The following DDX17 variants were observed in gnomAD, a reference collection of about 807,000 sequenced individuals.
DDX17 encodes the protein probable ATP-dependent RNA helicase DDX17.
DDX17 carries 10 observed loss-of-function variants against 80.8 expected under a neutral mutation model. The observed-to-expected ratio is 0.12, with a 90% CI of 0.08 to 0.21. DDX17 has a LOEUF of 0.21. Among genes scored for constraint, DDX17 ranks in the 10% least tolerant of loss-of-function variants. DDX17 has a pLI of 1.00. For missense variants in DDX17, 586 were observed against 957.4 expected, an observed-to-expected ratio of 0.61 and a Z score of 5.12; for synonymous variants, 339 against 336.2, an observed-to-expected ratio of 1.01 and a Z score of -0.09.
intron 10 of DDX17, chr22:38,493,477 A>G: frequency 2.1e-6 from 1 of 472,618 alleles, no homozygotes; most frequent in Non-Finnish European, 3.8e-6. Context: ...ATGAGCCACC[A>G]ACGGTGCCCA....
chr22:38,484,888 T>G lies in DDX17; in HGVS notation c.*1047A>C, dbSNP rs1408115205. The stretch of plus-strand genomic sequence containing the variant: ...AAATAAAGAGTTCTTAATAAACCCT[T>G]AAGATTCTTTGTTCAAGGTAACTTT... On this transcript the variant is annotated 3_prime_UTR_variant, in exon 13 of 13. Coordinates refer to ENST00000403230, the MANE Select transcript of DDX17 (RefSeq NM_006386.5). The G allele has an allele frequency of 2.6e-5, 4 of 152,238 alleles. No homozygotes were observed. The highest frequency in any genetic ancestry group is 6.5e-5 in the Admixed American group (1 of 15,284). 9.4% of individuals were successfully genotyped at this position (152,238 alleles called of 1,614,324 possible).
At chr22:38,490,449 A>G in intron 11 of DDX17, 1 of 1,289,216 alleles carries the variant, frequency 7.8e-7, no homozygotes, top group Middle Eastern at 2.1e-4. Flanking sequence ...GTTAAAAAAC[A>G]AAACAAAATA....
chr22:38,502,132 C>CG (rs371617915), intron 1 of DDX17, among the ~76,000 whole-genome samples: 5 of 152,164 alleles, frequency 3.3e-5, no homozygotes, highest in Admixed American at 2.6e-4. Flanking sequence ...CTGAGCCTGC[C>CG]GGGGGCAGTG....
chr22:38,486,032 G>A lies in DDX17; in HGVS notation c.2093C>T (p.Ala698Val), dbSNP rs532693581. ...CATATTGGTAGCTCCCGGAGGCTGT[G>A]CAAACTGTTGTGACATCAGTGGCTG... Residue 698 changes from alanine (A) to valine (V), a missense_variant, in exon 13 of 13, where the codon GCA becomes GTA. By Grantham distance (64) the Ala-to-Val change is moderately conservative (BLOSUM62 0). Around this residue, in one of 4 missense-constraint regions of DDX17, gnomAD observed 221 missense variants for 261.4 expected, o/e 0.85. Transcript: ENST00000403230. 2.5e-5 allele frequency: 41 copies of A among 1,614,084 alleles called. No homozygotes were observed. Among genetic ancestry groups the A allele is most frequent in the East Asian group, 6.7e-5 (3 of 44,870 alleles).
intron 5 of DDX17, among the ~76,000 whole-genome samples, 162 bp downstream of exon 5, chr22:38,497,923 T>A (rs2089787111): frequency 1.3e-5 from 2 of 152,242 alleles, no homozygotes; most frequent in South Asian, 4.1e-4. Context: ...TGCTGAGTGA[T>A]CTTGGGTAAG....
rs2089643717 is a variant in DDX17 at position 38,485,303 on chromosome 22, G to C, written c.*632C>G. On this transcript the variant is annotated 3_prime_UTR_variant, in exon 13 of 13. Transcript: ENST00000403230. ...TTATTTTTCAGTAACGGGGGGAGAAGTGGGGAGGCAGAGTGTGAAGGGAAA... is the reference window on the plus strand; with the variant it reads ...TTATTTTTCAGTAACGGGGGGAGAACTGGGGAGGCAGAGTGTGAAGGGAAA... The C allele has an allele frequency of 6.6e-6, 1 of 152,220 alleles. No homozygotes were observed. Among genetic ancestry groups the C allele is most frequent in the Non-Finnish European group, 1.5e-5 (1 of 68,044 alleles). The allele number at this position is 152,220 out of a possible 1,614,324, so 9.4% of individuals were successfully genotyped here. A position where few individuals can be genotyped will look rare whatever the true frequency, so the allele number is the denominator to read the frequency against.
At chr22:38,505,651 C>G (rs1024596424) in intron 1 of DDX17, 5 of 378,922 alleles carry the variant, frequency 1.3e-5, no homozygotes, top group African/African-American at 1.1e-4. Flanking sequence ...AAAGCCCGGG[C>G]CTGGGCTGAT....
rs1162255274 is a variant in DDX17, at chr22:38,495,857, C to T, written c.819G>A (p.Leu273=). 6.2e-7 allele frequency: 1 copy of T among 1,612,288 alleles called. No individual in the cohort carries two copies. Among genetic ancestry groups the T allele is most frequent in the South Asian group, 1.1e-5 (1 of 90,658 alleles). ...CACCTCCATAAATACAAGTACTCTT[C>T]AATCTAGAACATTTGCCATAGTCAT... The change falls in exon 6 of 13, where the codon TTG becomes TTA. Residue 273 remains leucine, a synonymous_variant. Coordinates refer to ENST00000403230, the MANE Select transcript of DDX17 (RefSeq NM_006386.5).
chr22:38,493,836 G>C, intron 9 of DDX17, 65 bp from the exon 10 acceptor site: 1 of 1,510,238 alleles, frequency 6.6e-7, no homozygotes, highest in East Asian at 2.3e-5. Context: ...GAACTTTAAA[G>C]CCAAATGCTA....
chr22:38,498,617 C>G (rs1367069317), intron 3 of DDX17, 44 bp from the exon 4 acceptor site: 2 of 1,603,448 alleles, frequency 1.2e-6, no homozygotes, highest in East Asian at 2.2e-5. Context: ...TGTTTAAAGA[C>G]ACAAACCAAG....
intron 10 of DDX17, among the ~76,000 whole-genome samples, chr22:38,492,737 C>G (rs1003860505): frequency 2.6e-5 from 4 of 152,220 alleles, no homozygotes; most frequent in Admixed American, 1.3e-4. Flanking sequence ...CCGCCCACCT[C>G]AGCCTCCCAA....
chr22:38,501,362 G>A (rs1286863711), intron 1 of DDX17, 82 bp from the exon 2 acceptor site: 2 of 1,447,056 alleles, frequency 1.4e-6, no homozygotes, highest in Non-Finnish European at 1.8e-6. Flanking sequence ...CAAAAAGGAT[G>A]GAGTTCTAGG....
chr22:38,493,964 T>TA, intron 9 of DDX17, 57 bp downstream of exon 9: 1 of 1,431,732 alleles, frequency 7.0e-7, no homozygotes, highest in Non-Finnish European at 9.7e-7. Flanking sequence ...AATACCAATT[T>TA]AGAAATTTCC....
chr22:38,486,898 C>T (rs201361908), intron 12 of DDX17, among the ~76,000 whole-genome samples: 2 of 151,940 alleles, frequency 1.3e-5, no homozygotes, highest in East Asian at 3.9e-4. Context: ...TGACCGGGGG[C>T]ACACTGGCTC....
Position 38,494,809 on chromosome 22 carries a change from A to G in DDX17, c.1042-7T>C. The G allele has an allele frequency of 1.2e-6, 2 of 1,614,104 alleles. No homozygotes were observed. Among genetic ancestry groups the G allele is most frequent in the African/African-American group, 1.3e-5 (1 of 75,040 alleles). On this transcript the variant is annotated splice_region_variant and splice_polypyrimidine_tract_variant and intron_variant, in intron 7 of 12. Coordinates refer to ENST00000403230, the MANE Select transcript of DDX17 (RefSeq NM_006386.5). ...TCAGTGTCTGCCTATCAGGCTATCA[A>G]AAAAGGAAAGGCTTTCTTTCAGGCT...
chr22:38,499,716 A>G (rs1268976694), intron 2 of DDX17, among the ~76,000 whole-genome samples: 1 of 152,194 alleles, frequency 6.6e-6, no homozygotes. Flanking sequence ...TCCATTTTCT[A>G]TAGGAGAAAA....
chr22:38,493,775 T>C lies in DDX17; in HGVS notation c.1326-4A>G. The C allele has an allele frequency of 6.2e-7, 1 of 1,613,262 alleles. No homozygotes were observed. The highest frequency in any genetic ancestry group is 1.1e-5 in the South Asian group (1 of 90,994). On this transcript the variant is annotated splice_region_variant and splice_polypyrimidine_tract_variant and intron_variant, in intron 9 of 12. Coordinates refer to ENST00000403230, the MANE Select transcript of DDX17 (RefSeq NM_006386.5). ...ATGGATACACATAGCTGGCCAACTA[T>C]CAGAAGAAAAGTGACCAATATTTTA...
At position 38,498,159 on chromosome 22, in the gene DDX17, G is replaced by T. The variant is rs769931898; in HGVS notation, c.673-9C>A. ...ATTGCAGGCAGGAGATACTGTGGAG[G>T]GGGGAAAGAATGACAACCTTACGCT... On this transcript the variant is annotated splice_polypyrimidine_tract_variant and intron_variant, in intron 4 of 12. Transcript: ENST00000403230. 2 of 1,613,692 alleles carry T rather than the reference G, an allele frequency of 1.2e-6. No homozygotes were observed. Among genetic ancestry groups the T allele is most frequent in the Admixed American group, 3.3e-5 (2 of 59,972 alleles).
In DDX17 at chr22:38,488,147, T is replaced by A. The variant is rs748852530; in HGVS notation, c.1448-32A>T. The A allele has an allele frequency of 1.1e-5, 17 of 1,612,764 alleles. 1 individual carries two copies. In the South Asian group the frequency reaches 1.8e-4, roughly 17 times the overall value. On this transcript the variant is annotated intron_variant, in intron 11 of 12. Transcript: ENST00000403230. ...CGTCAATGATGAGTCAGTGTGTAGG[T>A]TGATGTGGCAGGGAAAGAGAAGGTA...
Sources: gnomAD v4.1 joint callset for allele counts (sites outside exome capture counted in the v4.1 genomes callset) on GRCh38, gnomAD v4.1.1 for gene constraint, gnomAD v4.1.1 regional missense constraint, MANE v1.5 for transcripts, NCBI Gene and HGNC (gene_info 2026-07-23, HGNC 2026-07-21) for gene names.